The following NAA16 variants were observed in gnomAD, a reference collection of about 807,000 sequenced individuals.
The protein encoded by NAA16 is NARG1-like protein.
NAA16 carries 97 observed loss-of-function variants against 110.3 expected under a neutral mutation model. That is an observed-to-expected ratio of 0.88 (90% CI 0.75 to 1.04). The LOEUF (loss-of-function observed/expected upper bound fraction) is 1.04, where lower values mean the gene tolerates loss of function less well. NAA16 is among the 50% of genes least tolerant of loss of function. The probability of loss-of-function intolerance (pLI) is 0.00; values close to 1 mark genes in which losing one functional copy is unlikely to be tolerated. For synonymous variants in NAA16, 372 were observed against 330.6 expected, an observed-to-expected ratio of 1.13 and a Z score of -1.36; for missense variants, 1,017 against 1,005.1, an observed-to-expected ratio of 1.01 and a Z score of -0.16.
intron 16 of NAA16, 107 bp downstream of exon 16, chr13:41,372,418 C>CGTAG: frequency 7.3e-7 from 1 of 1,368,768 alleles, no homozygotes; most frequent in Non-Finnish European, 9.4e-7. Context: ...TCATTTTAGC[C>CGTAG]TTCTACAAAG....
chr13:41,375,154 A>T (rs1222753093), intron 19 of NAA16, among the ~76,000 whole-genome samples: 1 of 152,192 alleles, frequency 6.6e-6, no homozygotes, highest in East Asian at 1.9e-4. Context: ...TTAGTAAAGG[A>T]CACTTTGATT....
chr13:41,359,963 A>G (rs1206406261), intron 12 of NAA16, among the ~76,000 whole-genome samples: 1 of 152,144 alleles, frequency 6.6e-6, no homozygotes, highest in South Asian at 2.1e-4. Context: ...CATAAAAGAA[A>G]AACTGAGGTG....
intron 1 of NAA16, among the ~76,000 whole-genome samples, chr13:41,316,240 C>T (rs2041805533): frequency 6.6e-6 from 1 of 152,104 alleles, no homozygotes; most frequent in Non-Finnish European, 1.5e-5. Context: ...GGTGATTCTC[C>T]TGCCTCAGCC....
intron 4 of NAA16, among the ~76,000 whole-genome samples, 192 bp downstream of exon 4, chr13:41,321,016 C>T (rs2041931788): frequency 6.6e-6 from 1 of 152,318 alleles, no homozygotes; most frequent in South Asian, 2.1e-4. Context: ...AAAAGAATAA[C>T]TGGTGGGGTG....
chr13:41,323,019 T>C, intron 4 of NAA16, 37 bp from the exon 5 acceptor site: 3 of 1,585,456 alleles, frequency 1.9e-6, no homozygotes, highest in Non-Finnish European at 2.6e-6. Flanking sequence ...AAATAATGTT[T>C]TAGAGAATAT....
Position 41,348,599 on chromosome 13 carries a change from T to A in NAA16, c.1015-6545T>A, listed in dbSNP as rs148602797. Among the ~76,000 whole-genome samples the A allele has an allele frequency of 1.5e-4, 23 of 152,324 alleles. No individual in the cohort carries two copies. In the East Asian group the frequency reaches 4.4e-3, roughly 29 times the overall value. ...TTTATATTCCTAAGAGATAAAGGTC[T>A]AGTTTTCTTTTCATGTCTTTATCAG... On this transcript the variant is annotated intron_variant, in intron 9 of 19. Transcript: ENST00000379406.
chr13:41,347,184 C>A (rs1416034211), intron 9 of NAA16, among the ~76,000 whole-genome samples: 1 of 147,014 alleles, frequency 6.8e-6, no homozygotes, highest in East Asian at 2.0e-4. Flanking sequence ...CCACTACACT[C>A]CAGCGTGGCG....
At chr13:41,333,490 T>A (rs895678428) in intron 8 of NAA16, among the ~76,000 whole-genome samples, 1 of 152,112 alleles carries the variant, frequency 6.6e-6, no homozygotes, top group African/African-American at 2.4e-5. Context: ...ATTTGTCTGT[T>A]TTTGGACATT....
intron 9 of NAA16, among the ~76,000 whole-genome samples, chr13:41,344,687 C>T (rs2042636559): frequency 6.6e-6 from 1 of 152,158 alleles, no homozygotes; most frequent in Admixed American, 6.5e-5. Context: ...CTGGCCTCTA[C>T]CATCGAGATG....
At chr13:41,324,681 GT>G (rs796378964) in intron 5 of NAA16, among the ~76,000 whole-genome samples, 1,487 of 143,960 alleles carry the variant, frequency 0.01, 17 homozygotes, top group African/African-American at 0.034. Context: ...GCCAATTTCT[GT>G]TTTTTTTTTT....
chr13:41,323,956 G>T (rs2042017075), intron 5 of NAA16, among the ~76,000 whole-genome samples: 1 of 152,180 alleles, frequency 6.6e-6, no homozygotes, highest in Non-Finnish European at 1.5e-5. Context: ...TTCCAGGACA[G>T]ATAGGCATTC....
chr13:41,355,291 T>C, intron 10 of NAA16, 75 bp downstream of exon 10: 1 of 912,644 alleles, frequency 1.1e-6, no homozygotes, highest in Non-Finnish European at 1.7e-6. Flanking sequence ...CTTTTATGTA[T>C]ATTATGTGTG....
At chr13:41,331,759 A>G (rs2042245079) in intron 8 of NAA16, among the ~76,000 whole-genome samples, 2 of 152,062 alleles carry the variant, frequency 1.3e-5, no homozygotes, top group African/African-American at 4.8e-5. Context: ...TAACAACAAT[A>G]TACTGTATAT....
chr13:41,352,488 C>G (rs1827732441), intron 9 of NAA16, among the ~76,000 whole-genome samples: 1 of 151,884 alleles, frequency 6.6e-6, no homozygotes, highest in Non-Finnish European at 1.5e-5. Flanking sequence ...AACCCCCTCC[C>G]TACTAAAAAT....
chr13:41,346,131 T>C (rs1323010179), intron 9 of NAA16, among the ~76,000 whole-genome samples: 1 of 152,240 alleles, frequency 6.6e-6, no homozygotes, highest in African/African-American at 2.4e-5. Flanking sequence ...GAGTTTGCAT[T>C]GAGGCATTCA....
At chr13:41,319,679 G>A (rs1426738913) in intron 3 of NAA16, among the ~76,000 whole-genome samples, 1 of 151,922 alleles carries the variant, frequency 6.6e-6, no homozygotes, top group African/African-American at 2.4e-5. Context: ...ACCATGCCTG[G>A]CTACTTTTTG....
In NAA16 at chr13:41,369,164, GAAGA is replaced by G. The variant is rs775263315; in HGVS notation, c.1836_1839del (p.Arg612SerfsTer35). The G allele has an allele frequency of 8.2e-6, 13 of 1,593,894 alleles. No homozygotes were observed. The highest frequency in any genetic ancestry group is 1.1e-5 in the Non-Finnish European group (13 of 1,172,870). ...AGCTCAGAAAAAGGCTAAACTAGAA[GAAGA>G]AAGAAAGCATGCAGAAAGAGAACGT... On this transcript the variant is annotated frameshift_variant, in exon 15 of 20. Transcript: ENST00000379406. LOFTEE classifies it high-confidence loss of function.
Position 41,358,889 on chromosome 13 carries a change from C to T in NAA16, c.1337C>T (p.Ser446Phe), listed in dbSNP as rs140932746. 6.2e-7 allele frequency: 1 copy of T among 1,612,472 alleles called. No homozygotes were observed. The highest frequency in any genetic ancestry group is 8.5e-7 in the Non-Finnish European group (1 of 1,178,920). ...SLDTADRFINSKCAKYMLRAN... is the reference protein window; with the variant it reads ...SLDTADRFINFKCAKYMLRAN... ...GACACAGCTGATAGATTCATCAATT[C>T]CAAATGTGCAAAATACATGCTTCGA... The change falls in exon 12 of 20, where the codon TCC (serine) becomes TTC (phenylalanine). Residue 446 changes from serine to phenylalanine, a missense_variant. By Grantham distance (155) the Ser-to-Phe change is radical. Transcript: ENST00000379406.
intron 1 of NAA16, 78 bp downstream of exon 1, chr13:41,311,660 C>T: frequency 1.5e-6 from 2 of 1,374,504 alleles, no homozygotes; most frequent in Non-Finnish European, 2.0e-6. Context: ...CTGGCGGCGG[C>T]CGGCGCGGGC....
Sources: gnomAD v4.1 joint callset for allele counts (sites outside exome capture counted in the v4.1 genomes callset) on GRCh38, gnomAD v4.1.1 for gene constraint, MANE v1.5 for transcripts, NCBI Gene and HGNC (gene_info 2026-07-23, HGNC 2026-07-21) for gene names.